Variants in ITGA4 observed in about 807,000 individuals in gnomAD.
The protein encoded by ITGA4 is integrin subunit alpha 4.
A neutral mutation model predicts 133.6 loss-of-function variants in ITGA4; 63 were observed. That is an observed-to-expected ratio of 0.47 (90% CI 0.38 to 0.58). The LOEUF (loss-of-function observed/expected upper bound fraction) is 0.58. Ranked by LOEUF, ITGA4 falls within the 20% of genes least tolerant of loss-of-function variation. The probability of loss-of-function intolerance (pLI) is 0.00; values close to 1 mark genes in which losing one functional copy is unlikely to be tolerated. For synonymous variants in ITGA4, 483 were observed against 438.0 expected, an observed-to-expected ratio of 1.10 and a Z score of -1.28; for missense variants, 1,076 against 1,252.7, an observed-to-expected ratio of 0.86 and a Z score of 2.13.
chr2:181,466,174 G>A (rs1446081493), intron 2 of ITGA4, among the ~76,000 whole-genome samples: 1 of 152,052 alleles, frequency 6.6e-6, no homozygotes, highest in Non-Finnish European at 1.5e-5. Flanking sequence ...AGTTGTTAGA[G>A]TTCTGAGGCC....
At position 181,495,812 on chromosome 2, in the gene ITGA4, C is replaced by A; in HGVS notation, c.1415C>A (p.Ser472Tyr). 1 of 1,613,916 alleles carries A rather than the reference C, an allele frequency of 6.2e-7. No homozygotes were observed. Among genetic ancestry groups the A allele is most frequent in the Non-Finnish European group, 8.5e-7 (1 of 1,179,868 alleles). ...RTRPVVIVDA[S>Y]LSHPESVNRT... ...AGACCTGTAGTAATTGTTGACGCTT[C>A]TTTAAGCCACCCTGAGTCAGTAAAT... Residue 472 changes from serine to tyrosine, a missense_variant, in exon 14 of 28, where the codon TCT becomes TAT. By Grantham distance (144) the Ser-to-Tyr change is moderately radical. Coordinates refer to ENST00000397033, the MANE Select transcript of ITGA4 (RefSeq NM_000885.6). This position sits in a 1 kb window ranked among gnomAD's most constrained non-coding sequence, Gnocchi z 4.3.
intron 15 of ITGA4, among the ~76,000 whole-genome samples, chr2:181,506,780 A>T (rs937837097): frequency 9.2e-5 from 14 of 152,098 alleles, no homozygotes; most frequent in Admixed American, 8.5e-4. Flanking sequence ...CTTTGAAAAT[A>T]ATCTATTCCT....
At position 181,509,814 on chromosome 2, in the gene ITGA4, A is replaced by G. The variant is rs1462151132; in HGVS notation, c.1845+7A>G. 3 of 1,589,436 alleles carry G rather than the reference A, an allele frequency of 1.9e-6. No homozygotes were observed. The highest frequency in any genetic ancestry group is 2.6e-6 in the Non-Finnish European group (3 of 1,164,636). The stretch of plus-strand genomic sequence containing the variant: ...AGACATAATGAAAAAAACAGTAGGA[A>G]TATTTTCCTTTATTCAAATTATTGT... On this transcript the variant is annotated splice_region_variant and intron_variant, in intron 16 of 27. Coordinates refer to ENST00000397033, the MANE Select transcript of ITGA4 (RefSeq NM_000885.6).
chr2:181,485,704 G>A (rs1352470817), intron 9 of ITGA4, among the ~76,000 whole-genome samples, 177 bp from the exon 10 acceptor site: 1 of 152,174 alleles, frequency 6.6e-6, no homozygotes, highest in Admixed American at 6.5e-5. Flanking sequence ...ATTATGTGTT[G>A]ACAGACTCAA....
rs748797390 is a variant in ITGA4 at position 181,523,582 on chromosome 2, T to C, written c.2169+50T>C. On this transcript the variant is annotated intron_variant, in intron 19 of 27. Coordinates refer to ENST00000397033, the MANE Select transcript of ITGA4 (RefSeq NM_000885.6). The surrounding 1 kb of genome is among the most constrained non-coding windows in gnomAD (Gnocchi z 4.2). ...TTGTTCACTATCATGAATATTTTTT[T>C]CTATTCTTCCCTATCTTTAGGTTGC... The C allele has an allele frequency of 9.8e-7, 1 of 1,020,112 alleles. No individual in the cohort carries two copies. Among genetic ancestry groups the C allele is most frequent in the Non-Finnish European group, 1.5e-6 (1 of 651,476 alleles). 63.2% of individuals were successfully genotyped at this position (1,020,112 alleles called of 1,614,324 possible). A position where few individuals can be genotyped will look rare whatever the true frequency, so the allele number is the denominator to read the frequency against.
intron 15 of ITGA4, among the ~76,000 whole-genome samples, chr2:181,500,573 C>T (rs2105748955): frequency 6.6e-6 from 1 of 152,194 alleles, no homozygotes; most frequent in East Asian, 1.9e-4. Context: ...TACCATGGTA[C>T]CAGGAGTGGG....
Position 181,499,833 on chromosome 2 carries a change from T to C in ITGA4, c.1695+1056T>C, listed in dbSNP as rs904608121. Reference sequence around the variant, plus strand: ...CTTAGTCAATTGTAGAGACAAATATTGAAATCATTTTAAAGGCAATAAAAG... The same window carrying C: ...CTTAGTCAATTGTAGAGACAAATATCGAAATCATTTTAAAGGCAATAAAAG... On this transcript the variant is annotated intron_variant, in intron 15 of 27. Coordinates refer to ENST00000397033, the MANE Select transcript of ITGA4 (RefSeq NM_000885.6). 5.3e-5 allele frequency among the ~76,000 whole-genome samples: 8 copies of C among 152,264 alleles called. No homozygotes were observed. In the East Asian group the frequency reaches 1.4e-3, roughly 26 times the overall value.
chr2:181,466,256 A>G (rs577352978), intron 2 of ITGA4, among the ~76,000 whole-genome samples: 1 of 152,162 alleles, frequency 6.6e-6, no homozygotes, highest in Non-Finnish European at 1.5e-5. Flanking sequence ...CTCTGGGGAC[A>G]TTTACCTCTT....
chr2:181,497,077 CTAGT>C (rs1208270724), intron 14 of ITGA4, among the ~76,000 whole-genome samples: 10 of 152,136 alleles, frequency 6.6e-5, no homozygotes, highest in African/African-American at 2.4e-4. Context: ...AAGCCTTCAT[CTAGT>C]TATTGATTGG....
In ITGA4 at chr2:181,457,735, G is replaced by T; in HGVS notation, c.81G>T (p.Gly27=). Residue 27 remains glycine (G), a synonymous_variant, in exon 1 of 28, where the codon GGG becomes GGT. Transcript: ENST00000397033. The part of the protein sequence containing the change: ...RETVMLLLCL[G]VPTGRPYNVD... ...CGGTGATGCTGTTGCTGTGCCTGGGGGTCCCGACCGGCCGCCCCTACAACG... is the reference window on the plus strand; with the variant it reads ...CGGTGATGCTGTTGCTGTGCCTGGGTGTCCCGACCGGCCGCCCCTACAACG... 3.1e-6 allele frequency: 5 copies of T among 1,612,980 alleles called. No homozygotes were observed. Among genetic ancestry groups the T allele is most frequent in the Non-Finnish European group, 3.4e-6 (4 of 1,179,818 alleles).
chr2:181,501,586 G>C (rs911059770), intron 15 of ITGA4, among the ~76,000 whole-genome samples: 14 of 152,144 alleles, frequency 9.2e-5, no homozygotes, highest in Non-Finnish European at 1.9e-4. Context: ...TCCAACAAAA[G>C]TGGTGGCAGT....
intron 4 of ITGA4, among the ~76,000 whole-genome samples, chr2:181,477,696 C>T (rs1310917716): frequency 6.6e-6 from 1 of 152,110 alleles, no homozygotes; most frequent in South Asian, 2.1e-4. Context: ...CAAGAGATAA[C>T]AAGTGTTGGC....
At position 181,498,627 on chromosome 2, in the gene ITGA4, G is replaced by T. The variant is rs758995083; in HGVS notation, c.1545G>T (p.Leu515Phe). The change falls in exon 15 of 28, where the codon TTG becomes TTT. Residue 515 changes from leucine to phenylalanine, a missense_variant. Transcript: ENST00000397033. ...KGKEVPGYIV[L>F]FYNMSLDVNR... ...CAATTCTCTATATTTTTGCAGTTTT[G>T]TTTTATAACATGAGTTTGGATGTGA... The T allele has an allele frequency of 1.3e-6, 2 of 1,595,738 alleles. No individual in the cohort carries two copies. Among genetic ancestry groups the T allele is most frequent in the African/African-American group, 1.4e-5 (1 of 74,068 alleles).
At chr2:181,469,480 G>A (rs1685495475) in intron 2 of ITGA4, among the ~76,000 whole-genome samples, 1 of 152,116 alleles carries the variant, frequency 6.6e-6, no homozygotes, top group South Asian at 2.1e-4. Flanking sequence ...CTGTAAACTA[G>A]TTCAACCATT....
At chr2:181,488,139 C>A (rs1378705145) in intron 10 of ITGA4, among the ~76,000 whole-genome samples, 1 of 152,178 alleles carries the variant, frequency 6.6e-6, no homozygotes, top group African/African-American at 2.4e-5. Flanking sequence ...ATTGTTAGAG[C>A]TGTAAAACTG....
At position 181,498,756 on chromosome 2, in the gene ITGA4, A is replaced by T; in HGVS notation, c.1674A>T (p.Arg558Ser). The T allele has an allele frequency of 6.2e-7, 1 of 1,608,700 alleles. No homozygotes were observed. The highest frequency in any genetic ancestry group is 8.5e-7 in the Non-Finnish European group (1 of 1,177,570). The change falls in exon 15 of 28, where the codon AGA becomes AGT. Residue 558 changes from arginine to serine, a missense_variant. By Grantham distance (110) the Arg-to-Ser change is moderately radical (BLOSUM62 -1). Around this residue, in one of 4 missense-constraint regions of ITGA4, gnomAD observed 365 missense variants for 421.4 expected, o/e 0.87. Transcript: ENST00000397033. ...TGTCCAGCAGAGAAGCTAACTGTAG[A>T]ACACATCAAGCATTTATGCGGGTAA... ...IQVSSREANC[R>S]THQAFMRKDV...
In ITGA4 at chr2:181,538,217, A is replaced by ATAAAGACTGATAAGTCTTGG. The variant is rs1064797278; in HGVS notation, c.*2691_*2710dup. 2 of 1,591,268 alleles carry ATAAAGACTGATAAGTCTTGG rather than the reference A, an allele frequency of 1.3e-6. No individual in the cohort carries two copies. Among genetic ancestry groups the ATAAAGACTGATAAGTCTTGG allele is most frequent in the Non-Finnish European group, 1.7e-6 (2 of 1,160,228 alleles). On this transcript the variant is annotated 3_prime_UTR_variant, in exon 28 of 28. Coordinates refer to ENST00000397033, the MANE Select transcript of ITGA4 (RefSeq NM_000885.6). ...GAATCATTTCTTCCATGCTTCCTCC[A>ATAAAGACTGATAAGTCTTGG]TAAAGACTGATAAGTCTTGGATGCA...
In ITGA4 at chr2:181,537,571, T is replaced by G. The variant is rs1238479628; in HGVS notation, c.*2044T>G. On this transcript the variant is annotated 3_prime_UTR_variant, in exon 28 of 28. Coordinates refer to ENST00000397033, the MANE Select transcript of ITGA4 (RefSeq NM_000885.6). ...TAGGGAGCAGTGAATCAAGGCAGAC[T>G]TATGAAATCTGTATTATATTTGTAA... 2.3e-6 allele frequency: 1 copy of G among 432,830 alleles called. No individual in the cohort carries two copies. Among genetic ancestry groups the G allele is most frequent in the Non-Finnish European group, 4.6e-6 (1 of 217,180 alleles). The allele number at this position is 432,830 out of a possible 1,614,324, so 26.8% of individuals were successfully genotyped here. A position where few individuals can be genotyped will look rare whatever the true frequency, so the allele number is the denominator to read the frequency against.
chr2:181,489,943 G>C (rs1006038649), intron 10 of ITGA4, among the ~76,000 whole-genome samples: 1 of 152,096 alleles, frequency 6.6e-6, no homozygotes, highest in Admixed American at 6.5e-5. Context: ...CTCAAGAGCC[G>C]AGCTCCCCAA....
Sources: gnomAD v4.1 joint callset for allele counts (sites outside exome capture counted in the v4.1 genomes callset) on GRCh38, gnomAD v4.1.1 for gene constraint, gnomAD v4.1.1 regional missense constraint, Gnocchi (gnomAD v3.1) non-coding constraint, MANE v1.5 for transcripts, NCBI Gene and HGNC (gene_info 2026-07-23, HGNC 2026-07-21) for gene names.